Variants in GPATCH2 observed in about 807,000 individuals in gnomAD.
The protein encoded by GPATCH2 is G patch domain-containing protein 2.
A neutral mutation model predicts 58.0 loss-of-function variants in GPATCH2; 51 were observed. That is an observed-to-expected ratio of 0.88 (90% CI 0.70 to 1.11). The LOEUF (loss-of-function observed/expected upper bound fraction) is 1.11, where lower values mean the gene tolerates loss of function less well. Among genes scored for constraint, GPATCH2 ranks in the 50% most tolerant of loss-of-function variants. GPATCH2 has a pLI of 0.00. For missense variants in GPATCH2, 625 were observed against 652.2 expected, an observed-to-expected ratio of 0.96 and a Z score of 0.45; for synonymous variants, 222 against 218.5, an observed-to-expected ratio of 1.02 and a Z score of -0.14.
intron 5 of GPATCH2, among the ~76,000 whole-genome samples, chr1:217,529,411 A>T (rs955565274): frequency 6.6e-6 from 1 of 152,138 alleles, no homozygotes; most frequent in African/African-American, 2.4e-5. Flanking sequence ...TCCTGCTGGA[A>T]GACTGGATTA....
At chr1:217,458,158 A>T (rs1236577824) in intron 8 of GPATCH2, among the ~76,000 whole-genome samples, 2 of 152,164 alleles carry the variant, frequency 1.3e-5, no homozygotes, top group Non-Finnish European at 2.9e-5. Flanking sequence ...TGAACCCGGG[A>T]GGCGGAGCTT....
intron 8 of GPATCH2, among the ~76,000 whole-genome samples, chr1:217,490,255 C>T (rs1661655423): frequency 6.6e-6 from 1 of 152,120 alleles, no homozygotes; most frequent in East Asian, 1.9e-4. Context: ...CATTGTCATT[C>T]CTTTGTAGAT....
intron 1 of GPATCH2, 33 bp downstream of exon 1, chr1:217,630,883 T>C (rs765543248): frequency 6.5e-6 from 10 of 1,542,690 alleles, no homozygotes; most frequent in African/African-American, 1.4e-5. Context: ...CACCCTTCCC[T>C]GACCTCCCCC....
At chr1:217,524,565 G>A (rs1057475132) in intron 5 of GPATCH2, among the ~76,000 whole-genome samples, 3 of 151,730 alleles carry the variant, frequency 2.0e-5, no homozygotes, top group Admixed American at 6.6e-5. Flanking sequence ...CTCCAGCCTC[G>A]GCACCATTGA....
At chr1:217,617,139 T>C (rs1246851021) in intron 2 of GPATCH2, among the ~76,000 whole-genome samples, 1 of 152,142 alleles carries the variant, frequency 6.6e-6, no homozygotes, top group African/African-American at 2.4e-5. Flanking sequence ...GATGATAAAA[T>C]CCAAACTATT....
intron 5 of GPATCH2, among the ~76,000 whole-genome samples, chr1:217,535,434 C>T (rs1001842005): frequency 3.3e-5 from 5 of 152,038 alleles, no homozygotes; most frequent in Non-Finnish European, 5.9e-5. Context: ...ACTGCAAGTT[C>T]CGCTTCTCGG....
intron 5 of GPATCH2, among the ~76,000 whole-genome samples, chr1:217,548,769 T>A (rs1665201039): frequency 6.6e-6 from 1 of 152,134 alleles, no homozygotes; most frequent in African/African-American, 2.4e-5. Flanking sequence ...TTTATAAGCA[T>A]CTGGCATTTC....
chr1:217,573,285 G>C (rs1260637344), intron 5 of GPATCH2, among the ~76,000 whole-genome samples: 1 of 152,148 alleles, frequency 6.6e-6, no homozygotes, highest in Admixed American at 6.5e-5. Context: ...CATTTGAAGA[G>C]GGTCTTTGTT....
intron 5 of GPATCH2, among the ~76,000 whole-genome samples, chr1:217,589,807 C>T (rs1667506805): frequency 6.6e-6 from 1 of 152,152 alleles, no homozygotes; most frequent in African/African-American, 2.4e-5. Flanking sequence ...AAACTTATTG[C>T]TCTATTCAGT....
chr1:217,510,765 G>T (rs1245599212), intron 6 of GPATCH2, among the ~76,000 whole-genome samples: 3 of 152,030 alleles, frequency 2.0e-5, no homozygotes, highest in Admixed American at 2.0e-4. Flanking sequence ...TCTAGGTTAA[G>T]AAATATTTTT....
Position 217,620,020 on chromosome 1 carries a change from C to T in GPATCH2, c.536G>A (p.Arg179Gln), listed in dbSNP as rs1262832484. Residue 179 changes from arginine (R) to glutamine (Q), a missense_variant, in exon 2 of 10, where the codon CGG becomes CAG. Coordinates refer to ENST00000366935, the MANE Select transcript of GPATCH2 (RefSeq NM_018040.5). ...VDLPQDISNK[R>Q]TMTQPPEGCR... ...ACCCTCAGGTGGCTGGGTCATTGTC[C>T]GTTTGTTAGAGATGTCCTGTGGGAG... 3.1e-6 allele frequency: 5 copies of T among 1,613,858 alleles called. No homozygotes were observed. The highest frequency in any genetic ancestry group is 4.5e-5 in the East Asian group (2 of 44,876).
chr1:217,608,483 G>A (rs1000038538), intron 5 of GPATCH2: 29 of 985,168 alleles, frequency 2.9e-5, no homozygotes, highest in East Asian at 1.1e-4. Flanking sequence ...TCAATACCAT[G>A]AAGCTAGCCT....
chr1:217,501,646 T>C (rs1417485244), intron 6 of GPATCH2, among the ~76,000 whole-genome samples: 1 of 152,090 alleles, frequency 6.6e-6, no homozygotes, highest in Admixed American at 6.6e-5. Context: ...GATAGATATG[T>C]AGTGATATCT....
intron 5 of GPATCH2, among the ~76,000 whole-genome samples, chr1:217,516,437 T>G (rs975861957): frequency 1.3e-5 from 2 of 152,190 alleles, no homozygotes; most frequent in African/African-American, 4.8e-5. Flanking sequence ...ATGATGACAT[T>G]AATAACCCTA....
At chr1:217,499,727 T>C (rs1218764995) in intron 6 of GPATCH2, among the ~76,000 whole-genome samples, 1 of 150,604 alleles carries the variant, frequency 6.6e-6, no homozygotes, top group African/African-American at 2.4e-5. Context: ...CTGTTTTGGA[T>C]TGTGCCTTTT....
intron 7 of GPATCH2, among the ~76,000 whole-genome samples, chr1:217,496,238 G>A (rs1303615207): frequency 3.3e-5 from 5 of 152,082 alleles, no homozygotes; most frequent in Non-Finnish European, 7.4e-5. Flanking sequence ...ACACCTACTT[G>A]CTAACATTTA....
intron 8 of GPATCH2, among the ~76,000 whole-genome samples, chr1:217,487,207 A>G (rs1266296961): frequency 6.6e-6 from 1 of 152,084 alleles, no homozygotes; most frequent in Non-Finnish European, 1.5e-5. Context: ...TTTCCTATGT[A>G]TTTTCTCTTT....
intron 8 of GPATCH2, among the ~76,000 whole-genome samples, chr1:217,468,051 T>G (rs909841872): frequency 4.6e-5 from 7 of 152,210 alleles, no homozygotes; most frequent in African/African-American, 1.4e-4. Flanking sequence ...AGGAACCAAT[T>G]CATTTTGAAA....
At chr1:217,507,837 C>A (rs561018979) in intron 6 of GPATCH2, among the ~76,000 whole-genome samples, 45 of 152,012 alleles carry the variant, frequency 3.0e-4, no homozygotes, top group African/African-American at 9.2e-4. Flanking sequence ...TTTGGTTGAG[C>A]GATGTGTAGT....
Sources: gnomAD v4.1 joint callset for allele counts (sites outside exome capture counted in the v4.1 genomes callset) on GRCh38, gnomAD v4.1.1 for gene constraint, MANE v1.5 for transcripts, NCBI Gene and HGNC (gene_info 2026-07-23, HGNC 2026-07-21) for gene names.